DSCC1: variants seen among roughly 807,000 people sequenced by gnomAD.
DSCC1 encodes the protein sister chromatid cohesion protein DCC1.
DSCC1 carries 32 observed loss-of-function variants against 48.2 expected under a neutral mutation model. The ratio of observed to expected loss-of-function variants is 0.66; its 90% CI spans 0.50 to 0.89. DSCC1 has a LOEUF of 0.89. DSCC1 is among the 40% of genes least tolerant of loss of function. The pLI is 0.00. For synonymous variants in DSCC1, 150 were observed against 171.5 expected, an observed-to-expected ratio of 0.87 and a Z score of 0.98; for missense variants, 421 against 471.7, an observed-to-expected ratio of 0.89 and a Z score of 1.00.
chr8:119,848,506 GAA>G (rs1826894495), intron 3 of DSCC1, among the ~76,000 whole-genome samples: 1 of 152,150 alleles, frequency 6.6e-6, no homozygotes, highest in Non-Finnish European at 1.5e-5. Context: ...ATAAGCCCAT[GAA>G]AAGATGTTCA....
rs184387210 is a variant in DSCC1, at chr8:119,847,868, T to C, written c.487-788A>G. Reference sequence around the variant, plus strand: ...TCAGTTGAGGCACGGTTTCTCCGTGTAGGTCAGGCTGGTCTCGAACTCCCG... The same window carrying C: ...TCAGTTGAGGCACGGTTTCTCCGTGCAGGTCAGGCTGGTCTCGAACTCCCG... On this transcript the variant is annotated intron_variant, in intron 3 of 8. Coordinates refer to ENST00000313655, the MANE Select transcript of DSCC1 (RefSeq NM_024094.3). Among the ~76,000 whole-genome samples the C allele has an allele frequency of 1.6e-3, 246 of 152,236 alleles. 1 individual carries two copies. The highest frequency in any genetic ancestry group is 5.6e-3 in the African/African-American group (232 of 41,550).
intron 5 of DSCC1, among the ~76,000 whole-genome samples, chr8:119,843,099 T>C (rs1425772328): frequency 6.6e-6 from 1 of 151,340 alleles, no homozygotes; most frequent in Non-Finnish European, 1.5e-5. Context: ...ATTTCCTTTA[T>C]TTATTGTTTG....
intron 7 of DSCC1, among the ~76,000 whole-genome samples, chr8:119,841,391 G>A (rs918329162): frequency 2.0e-5 from 3 of 152,128 alleles, no homozygotes; most frequent in African/African-American, 7.2e-5. Context: ...GGATGCTATT[G>A]CTGTTTAGAG....
At chr8:119,835,027 A>G (rs1360072437) in intron 8 of DSCC1, 26 bp from the exon 9 acceptor site, 6 of 1,414,272 alleles carry the variant, frequency 4.2e-6, no homozygotes, top group Non-Finnish European at 9.9e-7. Flanking sequence ...AAAATATATA[A>G]CATGAATATT....
chr8:119,838,215 T>TA, intron 8 of DSCC1, 44 bp downstream of exon 8: 1 of 1,505,122 alleles, frequency 6.6e-7, no homozygotes, highest in Non-Finnish European at 8.8e-7. Context: ...CCATTGACTA[T>TA]AAAAAGAACG....
chr8:119,852,125 G>C (rs1826949942), intron 2 of DSCC1, among the ~76,000 whole-genome samples: 1 of 152,044 alleles, frequency 6.6e-6, no homozygotes, highest in African/African-American at 2.4e-5. Context: ...CTGTATTTAA[G>C]GATATAGTTG....
rs761337556 is a variant in DSCC1, at chr8:119,853,088, A to T, written c.310T>A (p.Leu104Met). The change falls in exon 2 of 9, where the codon TTG (leucine) becomes ATG (methionine). Residue 104 changes from leucine to methionine, a missense_variant. Physicochemically the swap from Leu to Met is conservative, Grantham distance 15 (BLOSUM62 2). Transcript: ENST00000313655. ...FIPGCKTPDQ[L>M]KKEDSHCNII... Reference sequence around the variant, plus strand: ...TTACAGTGTGAATCTTCCTTCTTCAACTGGTCCGGAGTTTTACAACCAGGA... The same window carrying T: ...TTACAGTGTGAATCTTCCTTCTTCATCTGGTCCGGAGTTTTACAACCAGGA... The T allele has an allele frequency of 1.2e-6, 2 of 1,613,870 alleles. No individual in the cohort carries two copies. The highest frequency in any genetic ancestry group is 1.7e-6 in the Non-Finnish European group (2 of 1,179,858).
intron 7 of DSCC1, among the ~76,000 whole-genome samples, 175 bp downstream of exon 7, chr8:119,841,616 AAAT>A (rs1826770641): frequency 6.6e-6 from 1 of 152,198 alleles, no homozygotes; most frequent in Non-Finnish European, 1.5e-5. Context: ...TATAATATGT[AAAT>A]TATACCCCAA....
At chr8:119,845,602 A>G (rs1826844762) in intron 4 of DSCC1, among the ~76,000 whole-genome samples, 1 of 152,086 alleles carries the variant, frequency 6.6e-6, no homozygotes, top group Non-Finnish European at 1.5e-5. Flanking sequence ...CTGCAAGTTA[A>G]TAATGCAGAG....
intron 7 of DSCC1, among the ~76,000 whole-genome samples, chr8:119,840,841 G>GGC (rs1206203092): frequency 3.3e-5 from 5 of 151,784 alleles, no homozygotes; most frequent in African/African-American, 1.2e-4. Context: ...GAACCCAGGA[G>GGC]GCGGGGGTTG....
chr8:119,852,945 CCT>C (rs1009906051), intron 2 of DSCC1, 100 bp downstream of exon 2: 58 of 1,059,128 alleles, frequency 5.5e-5, no homozygotes, highest in East Asian at 2.8e-4. Context: ...TTAGATTCTC[CCT>C]GATTATAGAT....
At chr8:119,842,356 G>A (rs571129965) in intron 6 of DSCC1, among the ~76,000 whole-genome samples, 1 of 150,760 alleles carries the variant, frequency 6.6e-6, no homozygotes, top group Non-Finnish European at 1.5e-5. Flanking sequence ...GGTTACAGGC[G>A]TGAACCACTG....
Position 119,855,767 on chromosome 8 carries a change from G to T in DSCC1, c.29C>A (p.Ala10Glu). The T allele has an allele frequency of 6.4e-7, 1 of 1,558,044 alleles. No homozygotes were observed. The highest frequency in any genetic ancestry group is 1.8e-5 in the Admixed American group (1 of 55,084). MKRTRDEVD[A>E]TLQIAKLNAA... The stretch of plus-strand genomic sequence containing the variant: ...ATTCAGCTTGGCGATCTGCAGCGTC[G>T]CATCCACCTCGTCGCGGGTCCTCTT... The change falls in exon 1 of 9, where the codon GCG (alanine) becomes GAG (glutamate). Residue 10 changes from alanine to glutamate, a missense_variant. Transcript: ENST00000313655.
intron 6 of DSCC1, 142 bp downstream of exon 6, chr8:119,842,634 C>T: frequency 1.5e-6 from 1 of 675,150 alleles, no homozygotes; most frequent in South Asian, 1.7e-5. Flanking sequence ...GACCCACCCA[C>T]TGCAGCCTTC....
chr8:119,842,274 A>G (rs1016560214), intron 6 of DSCC1, among the ~76,000 whole-genome samples: 1 of 151,612 alleles, frequency 6.6e-6, no homozygotes, highest in African/African-American at 2.4e-5. Context: ...GGGTTTCACC[A>G]TGTTGGCCAG....
At chr8:119,838,909 T>C (rs1270245004) in intron 7 of DSCC1, 1 of 152,188 alleles carries the variant, frequency 6.6e-6, no homozygotes, top group Non-Finnish European at 1.5e-5. Context: ...AATTTTTATA[T>C]TTTTAGTAGA....
intron 2 of DSCC1, among the ~76,000 whole-genome samples, chr8:119,851,971 T>G (rs989639801): frequency 6.6e-6 from 1 of 152,202 alleles, no homozygotes; most frequent in Non-Finnish European, 1.5e-5. Context: ...TAGGATGAAC[T>G]GCCAATATTT....
At chr8:119,854,315 A>G (rs1826985439) in intron 1 of DSCC1, among the ~76,000 whole-genome samples, 1 of 152,200 alleles carries the variant, frequency 6.6e-6, no homozygotes, top group Non-Finnish European at 1.5e-5. Flanking sequence ...GACAAAGATG[A>G]TGGCAATGAC....
rs752635248 is a variant in DSCC1 at position 119,847,099 on chromosome 8, AT to A, written c.487-20del. On this transcript the variant is annotated intron_variant, in intron 3 of 8. Transcript: ENST00000313655. ...TTGTATACTGCAAAAAGAAAAAAAT[AT>A]TTTAAGGCCTTTGAAGAATATTTTG... 6.3e-7 allele frequency: 1 copy of A among 1,598,066 alleles called. No individual in the cohort carries two copies. Among genetic ancestry groups the A allele is most frequent in the South Asian group, 1.1e-5 (1 of 90,458 alleles).
Sources: gnomAD v4.1 joint callset for allele counts (sites outside exome capture counted in the v4.1 genomes callset) on GRCh38, gnomAD v4.1.1 for gene constraint, MANE v1.5 for transcripts, NCBI Gene and HGNC (gene_info 2026-07-23, HGNC 2026-07-21) for gene names.